Variants in ALOX5AP observed in about 807,000 individuals in gnomAD.
ALOX5AP encodes the protein arachidonate 5-lipoxygenase activating protein.
A neutral mutation model predicts 18.5 loss-of-function variants in ALOX5AP; 9 were observed. That is an observed-to-expected ratio of 0.49 (90% CI 0.29 to 0.85). The LOEUF (loss-of-function observed/expected upper bound fraction) is 0.85. Ranked by LOEUF, ALOX5AP falls within the 40% of genes least tolerant of loss-of-function variation. The pLI is 0.08. For synonymous variants in ALOX5AP, 81 were observed against 78.6 expected (o/e 1.03, Z -0.16); for missense variants, 172 against 202.5 (o/e 0.85, Z 0.91).
intron 3 of ALOX5AP, among the ~76,000 whole-genome samples, chr13:30,754,026 G>A (rs953464376): frequency 6.6e-6 from 1 of 152,148 alleles, no homozygotes; most frequent in Non-Finnish European, 1.5e-5. Flanking sequence ...GGTCACTTGA[G>A]GTTGGGAGTT....
At chr13:30,756,585 G>A (rs1333544221) in intron 4 of ALOX5AP, among the ~76,000 whole-genome samples, 1 of 152,054 alleles carries the variant, frequency 6.6e-6, no homozygotes, top group African/African-American at 2.4e-5. Context: ...GAGGTGGGTG[G>A]ATCACCTGAG....
rs4514526 is a variant in ALOX5AP at position 30,725,586 on chromosome 13, A to G, written c.117-9965A>G. Among the ~76,000 whole-genome samples the G allele has an allele frequency of 7.5e-3, 1,148 of 152,354 alleles. 13 individuals carry two copies. The highest frequency in any genetic ancestry group is 0.026 in the African/African-American group (1,097 of 41,592). On this transcript the variant is annotated intron_variant, in intron 1 of 5. Transcript: ENST00000617770. ...CACCATTCCCTGGGCTAGAAAACCA[A>G]CTGGTGGAAGGTTGATTACATTGGA...
chr13:30,731,104 C>T (rs1005483417), upstream of ALOX5AP, among the ~76,000 whole-genome samples: 11 of 152,146 alleles, frequency 7.2e-5, no homozygotes, highest in African/African-American at 1.7e-4. Context: ...GGTCAGATGT[C>T]GTGGGGATAT....
intron 3 of ALOX5AP, among the ~76,000 whole-genome samples, chr13:30,754,396 A>T (rs1951875657): frequency 6.6e-6 from 1 of 152,252 alleles, no homozygotes; most frequent in Admixed American, 6.5e-5. Flanking sequence ...GTGTGACTCC[A>T]GGCAGTTACT....
intron 3 of ALOX5AP, among the ~76,000 whole-genome samples, chr13:30,753,588 T>A (rs1951869283): frequency 6.6e-6 from 1 of 151,988 alleles, no homozygotes; most frequent in African/African-American, 2.4e-5. Context: ...GACTGTAGAA[T>A]TTTTTTTAGC....
intron 1 of ALOX5AP, among the ~76,000 whole-genome samples, chr13:30,719,272 G>A (rs1027379142): frequency 6.6e-6 from 1 of 152,210 alleles, no homozygotes; most frequent in Non-Finnish European, 1.5e-5. Flanking sequence ...TTCCATAAAA[G>A]TTAGTAATTG....
At chr13:30,759,287 G>T (rs1302709112) in intron 4 of ALOX5AP, among the ~76,000 whole-genome samples, 1 of 152,078 alleles carries the variant, frequency 6.6e-6, no homozygotes, top group Non-Finnish European at 1.5e-5. Context: ...TCCTCTGTTG[G>T]GGCTCCTACT....
At position 30,764,079 on chromosome 13, in the gene ALOX5AP, C is replaced by A; in HGVS notation, c.459C>A (p.Thr153=). 4 of 1,614,152 alleles carry A rather than the reference C, an allele frequency of 2.5e-6. No homozygotes were observed. The highest frequency in any genetic ancestry group is 2.5e-6 in the Non-Finnish European group (3 of 1,180,020). ...FENYIKTIST[T]ISPLLLIP ...ACTACATAAAGACGATCTCCACCACCATCTCCCCTCTACTTCTCATTCCCT... is the reference window on the plus strand; with the variant it reads ...ACTACATAAAGACGATCTCCACCACAATCTCCCCTCTACTTCTCATTCCCT... Residue 153 remains threonine, a synonymous_variant, in exon 5 of 5, where the codon ACC becomes ACA. Coordinates refer to ENST00000380490, the MANE Select transcript of ALOX5AP (RefSeq NM_001629.4).
chr13:30,732,702 C>G (rs1951690794), upstream of ALOX5AP, among the ~76,000 whole-genome samples: 1 of 152,128 alleles, frequency 6.6e-6, no homozygotes, highest in East Asian at 1.9e-4. Flanking sequence ...AAATGTAAAA[C>G]TCCACAGTTG....
chr13:30,718,090 G>T (rs927072584), intron 1 of ALOX5AP, among the ~76,000 whole-genome samples: 22 of 151,842 alleles, frequency 1.4e-4, no homozygotes, highest in African/African-American at 4.8e-4. Context: ...CTCCCGAGTA[G>T]CTGGGATTAC....
In ALOX5AP at chr13:30,756,076, G is replaced by T. The variant is rs750462335; in HGVS notation, c.323+51G>T. On this transcript the variant is annotated intron_variant, in intron 4 of 4. Coordinates refer to ENST00000380490, the MANE Select transcript of ALOX5AP (RefSeq NM_001629.4). The stretch of plus-strand genomic sequence containing the variant: ...CTGTGGAGCGATTCCTGATTTTTGA[G>T]CAGGAAGAGTGACAATTCAAAACAG... 11 of 1,541,140 alleles carry T rather than the reference G, an allele frequency of 7.1e-6. No homozygotes were observed. The African/African-American group carries it at 8.2e-5, about 11-fold the overall frequency.
upstream of ALOX5AP, among the ~76,000 whole-genome samples, chr13:30,734,079 T>A (rs1034682601): frequency 6.6e-6 from 1 of 152,220 alleles, no homozygotes; most frequent in Non-Finnish European, 1.5e-5. Flanking sequence ...AACCAATTTC[T>A]ATTATAAATC....
In ALOX5AP at chr13:30,764,153, C is replaced by A; in HGVS notation, c.*47C>A. 1 of 1,569,914 alleles carries A rather than the reference C, an allele frequency of 6.4e-7. No homozygotes were observed. Among genetic ancestry groups the A allele is most frequent in the Non-Finnish European group, 8.7e-7 (1 of 1,152,282 alleles). On this transcript the variant is annotated 3_prime_UTR_variant, in exon 5 of 5. Transcript: ENST00000380490. Reference sequence around the variant, plus strand: ...GGTGTTCTCATCTAATCAATACCTACAAGTCATCATAATTCAGCTCTTGAG... The same window carrying A: ...GGTGTTCTCATCTAATCAATACCTAAAAGTCATCATAATTCAGCTCTTGAG...
intron 2 of ALOX5AP, among the ~76,000 whole-genome samples, chr13:30,747,983 A>C (rs1313382349): frequency 6.6e-6 from 1 of 151,830 alleles, no homozygotes; most frequent in African/African-American, 2.4e-5. Context: ...GCAGTGGTGC[A>C]ATCTTGGCTG....
upstream of ALOX5AP, among the ~76,000 whole-genome samples, chr13:30,731,477 C>A (rs1951680245): frequency 6.6e-6 from 1 of 151,826 alleles, no homozygotes; most frequent in Non-Finnish European, 1.5e-5. Flanking sequence ...CAGCCTCAAG[C>A]GATCCTCCTG....
At chr13:30,752,566 T>C (rs1951861197) in intron 3 of ALOX5AP, among the ~76,000 whole-genome samples, 1 of 152,260 alleles carries the variant, frequency 6.6e-6, no homozygotes, top group African/African-American at 2.4e-5. Flanking sequence ...ATCCCCGGCC[T>C]TCCCACAGTT....
At chr13:30,730,350 G>T (rs756638788) in intron 1 of ALOX5AP, among the ~76,000 whole-genome samples, 2 of 152,210 alleles carry the variant, frequency 1.3e-5, no homozygotes, top group Non-Finnish European at 2.9e-5. Context: ...AGGTTGATTT[G>T]GTTCTCACAG....
intron 2 of ALOX5AP, among the ~76,000 whole-genome samples, chr13:30,747,919 T>C (rs1402105684): frequency 6.6e-6 from 1 of 152,100 alleles, no homozygotes; most frequent in Admixed American, 6.6e-5. Flanking sequence ...TCTTTCTGTT[T>C]TTTATTTTTA....
chr13:30,743,989 G>C lies in ALOX5AP; in HGVS notation c.71-71G>C, dbSNP rs182494423. On this transcript the variant is annotated intron_variant, in intron 1 of 4. Coordinates refer to ENST00000380490, the MANE Select transcript of ALOX5AP (RefSeq NM_001629.4). ...AGTCAAGGAGGCATTTAACATTCTA[G>C]TAAAACAAGGAAGTAACAGGCTCCT... The C allele has an allele frequency of 2.9e-4, 383 of 1,316,882 alleles. 3 individuals are homozygous for C. The highest frequency in any genetic ancestry group is 5.4e-4 in the Middle Eastern group (3 of 5,510). The allele number at this position is 1,316,882 out of a possible 1,614,324, so 81.6% of individuals were successfully genotyped here.
Sources: gnomAD v4.1 joint callset for allele counts (sites outside exome capture counted in the v4.1 genomes callset) on GRCh38, gnomAD v4.1.1 for gene constraint, MANE v1.5 for transcripts, NCBI Gene and HGNC (gene_info 2026-07-23, HGNC 2026-07-21) for gene names.